The following ZNF317 variants were observed in gnomAD, a reference collection of about 807,000 sequenced individuals.
The protein encoded by ZNF317 is KRAB-containing zinc finger protein 317.
Under a neutral mutation model 23.4 loss-of-function variants are expected in ZNF317, and 17 were observed. That is an observed-to-expected ratio of 0.73 (90% CI 0.50 to 1.09). The LOEUF is 1.09. ZNF317 is among the 50% of genes least tolerant of loss of function. The pLI, the probability that ZNF317 is intolerant of heterozygous loss-of-function variation, is 0.00. For synonymous variants in ZNF317, 317 were observed against 314.9 expected (o/e 1.01, Z -0.07); for missense variants, 679 against 796.7 (o/e 0.85, Z 1.78).
intron 1 of ZNF317, among the ~76,000 whole-genome samples, chr19:9,144,975 A>G (rs1231506593): frequency 1.3e-5 from 2 of 152,144 alleles, no homozygotes; most frequent in African/African-American, 4.8e-5. Flanking sequence ...ATATTTCAGA[A>G]CTATGAAGAT....
intron 6 of ZNF317, among the ~76,000 whole-genome samples, 173 bp downstream of exon 6, chr19:9,159,081 G>A (rs571901868): frequency 6.6e-6 from 1 of 152,184 alleles, no homozygotes; most frequent in Non-Finnish European, 1.5e-5. Context: ...CTAACCTCAA[G>A]CTACTTTACC....
At position 9,158,856 on chromosome 19, in the gene ZNF317, C is replaced by A; in HGVS notation, c.416C>A (p.Ser139Ter). The A allele has an allele frequency of 6.2e-7, 1 of 1,612,626 alleles. No homozygotes were observed. The highest frequency in any genetic ancestry group is 1.1e-5 in the South Asian group (1 of 91,036). ...DWETPSKTKW[S>*]LLMEDIFGKE... ...GAGACTCCATCTAAAACCAAGTGGT[C>A]ACTTCTTATGGAAGATATTTTTGGG... Residue 139 changes from serine (S) to a stop codon, truncating the protein, a stop_gained, in exon 6 of 7, where the codon TCA becomes TAA. Coordinates refer to ENST00000247956, the MANE Select transcript of ZNF317 (RefSeq NM_020933.5). LOFTEE classifies it high-confidence loss of function.
At chr19:9,153,149 T>A (rs1298755888) in intron 1 of ZNF317, among the ~76,000 whole-genome samples, 1 of 84,788 alleles carries the variant, frequency 1.2e-5, no homozygotes, top group East Asian at 3.1e-4. Flanking sequence ...GGTAGTTGTT[T>A]TTGTTTGTTT....
At chr19:9,151,288 T>C (rs548742646) in intron 1 of ZNF317, among the ~76,000 whole-genome samples, 2 of 152,326 alleles carry the variant, frequency 1.3e-5, no homozygotes, top group Admixed American at 6.5e-5. Flanking sequence ...AAGATCAAAT[T>C]TGGTGTTGAA....
Position 9,144,348 on chromosome 19 carries a change from A to G in ZNF317, c.-93+3756A>G, listed in dbSNP as rs567922405. Among the ~76,000 whole-genome samples, 11 of 152,302 alleles carry G rather than the reference A, an allele frequency of 7.2e-5. No homozygotes were observed. In the South Asian group the frequency reaches 1.9e-3, roughly 26 times the overall value. On this transcript the variant is annotated intron_variant, in intron 1 of 6. Transcript: ENST00000247956. ...TAGATATCTCTTGTACGTAGCATAT[A>G]ATTGGATTAATCTATTCTGTGAATA...
intron 1 of ZNF317, among the ~76,000 whole-genome samples, chr19:9,143,923 C>CTT (rs375892513): frequency 0.073 from 9,044 of 123,884 alleles, 375 homozygotes; most frequent in Middle Eastern, 0.1. Flanking sequence ...AACCAGCTTT[C>CTT]TTTTTTTTTT....
rs1366515655 is a variant in ZNF317, at chr19:9,161,973, C to G, written c.*540C>G. On this transcript the variant is annotated 3_prime_UTR_variant, in exon 7 of 7. Coordinates refer to ENST00000247956, the MANE Select transcript of ZNF317 (RefSeq NM_020933.5). The surrounding 1 kb of genome is among the most constrained non-coding windows in gnomAD (Gnocchi z 4.0). The stretch of plus-strand genomic sequence containing the variant: ...CAGCTGCTTGTCTTTGTATGGCTTG[C>G]CAGCTAACAATAGTGGTTCCATCTT... 6.5e-6 allele frequency: 1 copy of G among 152,848 alleles called. No individual in the cohort carries two copies. The highest frequency in any genetic ancestry group is 1.5e-5 in the Non-Finnish European group (1 of 68,592). 9.5% of individuals were successfully genotyped at this position (152,848 alleles called of 1,614,324 possible). A position where few individuals can be genotyped will look rare whatever the true frequency, so the allele number is the denominator to read the frequency against.
chr19:9,158,691 G>A (rs2145959005), intron 5 of ZNF317, 135 bp from the exon 6 acceptor site: 2 of 658,332 alleles, frequency 3.0e-6, no homozygotes, highest in East Asian at 2.7e-5. Context: ...CACATGACCA[G>A]ATTTTTTAAC....
chr19:9,161,127 C>T lies in ZNF317; in HGVS notation c.1482C>T (p.Ser494=), dbSNP rs756121555. 66 of 1,614,028 alleles carry T rather than the reference C, an allele frequency of 4.1e-5. No homozygotes were observed. The highest frequency in any genetic ancestry group is 1.2e-4 in the African/African-American group (9 of 74,934). Residue 494 remains serine (S), a synonymous_variant, in exon 7 of 7, where the codon AGC becomes AGT. Transcript: ENST00000247956. This position sits in a 1 kb window ranked among gnomAD's most constrained non-coding sequence, Gnocchi z 4.0. ...GDYLSRRRHM[S]VHLVKKRVEC... The stretch of plus-strand genomic sequence containing the variant: ...ATTTATCCCGGCGGAGGCACATGAG[C>T]GTTCACCTTGTAAAGAAACGAGTTG...
chr19:9,152,606 G>A (rs1367266472), intron 1 of ZNF317, among the ~76,000 whole-genome samples: 1 of 152,212 alleles, frequency 6.6e-6, no homozygotes, highest in Non-Finnish European at 1.5e-5. Context: ...TGATCTGTCA[G>A]TGTCTCCCAT....
At chr19:9,144,269 T>C (rs972092077) in intron 1 of ZNF317, among the ~76,000 whole-genome samples, 2 of 152,108 alleles carry the variant, frequency 1.3e-5, no homozygotes, top group African/African-American at 2.4e-5. Flanking sequence ...TCCCAAAGCA[T>C]TGGGATTACA....
chr19:9,147,308 T>A (rs1474054259), intron 1 of ZNF317, among the ~76,000 whole-genome samples: 5 of 149,410 alleles, frequency 3.3e-5, no homozygotes, highest in African/African-American at 4.9e-5. Flanking sequence ...TCATCCATGG[T>A]GACAGCATTC....
rs137955218 is a variant in ZNF317 at position 9,157,188 on chromosome 19, C to T, written c.163-80C>T. Reference sequence around the variant, plus strand: ...AATCCTGTGTTGGGTCTCTCATGCCCGGTCTTCAACCTCAGCCATCTTACC... The same window carrying T: ...AATCCTGTGTTGGGTCTCTCATGCCTGGTCTTCAACCTCAGCCATCTTACC... On this transcript the variant is annotated intron_variant, in intron 3 of 6. Transcript: ENST00000247956. 134 of 1,556,204 alleles carry T rather than the reference C, an allele frequency of 8.6e-5. No homozygotes were observed. In the African/African-American group the frequency reaches 9.8e-4, roughly 11 times the overall value.
rs1193250147 is a variant in ZNF317, at chr19:9,152,097, G to A, written c.-92-3828G>A. Among the ~76,000 whole-genome samples, 3 of 152,036 alleles carry A rather than the reference G, an allele frequency of 2.0e-5. No homozygotes were observed. The East Asian group carries it at 5.8e-4, about 30-fold the overall frequency. ...AATTTTTTGTATTTTTAGTAGAGAT[G>A]GGGTTTTACCGTGTTAGCCAGGATG... On this transcript the variant is annotated intron_variant, in intron 1 of 6. Transcript: ENST00000247956.
At chr19:9,159,975 C>T (rs2050828809) in intron 6 of ZNF317, 139 bp from the exon 7 acceptor site, 3 of 1,269,800 alleles carry the variant, frequency 2.4e-6, no homozygotes, top group Non-Finnish European at 2.2e-6. Context: ...AGGGACAGCA[C>T]GTTTGCACGG....
At chr19:9,147,181 T>C (rs1276179265) in intron 1 of ZNF317, among the ~76,000 whole-genome samples, 2 of 152,018 alleles carry the variant, frequency 1.3e-5, no homozygotes, top group Non-Finnish European at 2.9e-5. Flanking sequence ...CCAATGAGAA[T>C]AGAGTAAGAT....
intron 1 of ZNF317, among the ~76,000 whole-genome samples, chr19:9,150,624 C>G (rs2050728230): frequency 6.6e-6 from 1 of 152,118 alleles, no homozygotes; most frequent in Admixed American, 6.6e-5. Flanking sequence ...GGATCTCAAG[C>G]CAGAGTCTTC....
intron 1 of ZNF317, among the ~76,000 whole-genome samples, chr19:9,147,671 G>C (rs559049833): frequency 6.6e-6 from 1 of 152,066 alleles, no homozygotes; most frequent in Non-Finnish European, 1.5e-5. Flanking sequence ...ATGTAGAAAC[G>C]GGGCAGAACG....
At position 9,160,759 on chromosome 19, in the gene ZNF317, C is replaced by T. The variant is rs2050842755; in HGVS notation, c.1114C>T (p.Arg372Cys). The change falls in exon 7 of 7, where the codon CGC becomes TGC. Residue 372 changes from arginine (R) to cysteine (C), a missense_variant. Arg to Cys is a radical substitution (Grantham distance 180). Coordinates refer to ENST00000247956, the MANE Select transcript of ZNF317 (RefSeq NM_020933.5). This position sits in a 1 kb window ranked among gnomAD's most constrained non-coding sequence, Gnocchi z 6.8. ...GTGCACGCAGTGCGGCAAAGCCTTC[C>T]GCTGGAAGTCCAACTTTAATTTGCA... is the stretch of plus-strand genomic sequence containing the variant. ...YACTQCGKAF[R>C]WKSNFNLHKK... The T allele has an allele frequency of 1.9e-6, 3 of 1,612,270 alleles. No individual in the cohort carries two copies. The highest frequency in any genetic ancestry group is 2.5e-6 in the Non-Finnish European group (3 of 1,179,508).
Sources: allele counts gnomAD v4.1 joint callset (sites outside exome capture counted in the v4.1 genomes callset), GRCh38; gene constraint gnomAD v4.1.1; non-coding constraint Gnocchi (gnomAD v3.1); transcripts MANE v1.5; gene names NCBI Gene and HGNC (gene_info 2026-07-23, HGNC 2026-07-21).